BTBD2: variants seen among roughly 807,000 people sequenced by gnomAD.
The protein encoded by BTBD2 is BTB domain containing 2, also known as BTB/POZ domain-containing protein 2.
BTBD2 carries 15 observed loss-of-function variants against 44.0 expected under a neutral mutation model. The ratio of observed to expected loss-of-function variants is 0.34; its 90% CI spans 0.23 to 0.53. BTBD2 has a LOEUF of 0.53. BTBD2 is among the 20% of genes least tolerant of loss of function. BTBD2 has a pLI of 0.95. For synonymous variants in BTBD2, 443 were observed against 335.9 expected (o/e 1.32, Z -3.49); for missense variants, 657 against 746.4 (o/e 0.88, Z 1.39).
intron 2 of BTBD2, among the ~76,000 whole-genome samples, chr19:1,993,437 G>T (rs2016208667): frequency 6.6e-6 from 1 of 152,276 alleles, no homozygotes; most frequent in East Asian, 1.9e-4. Context: ...CACACACCCG[G>T]AAGCGTCTAT....
intron 2 of BTBD2, among the ~76,000 whole-genome samples, chr19:1,996,371 G>A (rs1264756353): frequency 6.6e-6 from 1 of 152,098 alleles, no homozygotes; most frequent in African/African-American, 2.4e-5. Flanking sequence ...ACTGACTGCA[G>A]ATCGCAGTGG....
At chr19:1,994,184 C>A (rs1042129433) in intron 2 of BTBD2, among the ~76,000 whole-genome samples, 2 of 150,000 alleles carry the variant, frequency 1.3e-5, no homozygotes, top group African/African-American at 4.9e-5. Context: ...GGTGTGGTGG[C>A]AGACACCTGT....
chr19:1,986,997 G>T (rs753349156), intron 7 of BTBD2, 21 bp from the exon 8 acceptor site: 1 of 1,606,778 alleles, frequency 6.2e-7, no homozygotes, highest in Non-Finnish European at 8.5e-7. Context: ...GTGGGAAGTG[G>T]GAGGCTCAGG....
chr19:2,007,550 C>T (rs1391013248), intron 1 of BTBD2, among the ~76,000 whole-genome samples: 1 of 152,124 alleles, frequency 6.6e-6, no homozygotes, highest in Non-Finnish European at 1.5e-5. Flanking sequence ...ATCTTCCCGC[C>T]TTAGGCCAGG....
chr19:2,005,011 G>A (rs557243301), intron 1 of BTBD2, among the ~76,000 whole-genome samples: 60 of 151,844 alleles, frequency 4.0e-4, no homozygotes, highest in Admixed American at 1.6e-3. Flanking sequence ...TAGTAGAGAC[G>A]GGGTTTCACC....
intron 1 of BTBD2, among the ~76,000 whole-genome samples, chr19:1,998,687 C>T (rs760702561): frequency 2.6e-5 from 4 of 152,140 alleles, no homozygotes; most frequent in African/African-American, 4.8e-5. Context: ...AGGCTCAAGA[C>T]GCCACTCTGT....
At chr19:1,999,314 G>A (rs1215426829) in intron 1 of BTBD2, among the ~76,000 whole-genome samples, 1 of 152,230 alleles carries the variant, frequency 6.6e-6, no homozygotes, top group Middle Eastern at 3.2e-3. Flanking sequence ...CTAACTCCGT[G>A]AGTCAGGACG....
At chr19:2,011,805 T>C (rs185182965) in intron 1 of BTBD2, among the ~76,000 whole-genome samples, 115 of 151,848 alleles carry the variant, frequency 7.6e-4, no homozygotes, top group African/African-American at 2.6e-3. Flanking sequence ...CAGGCCTTCA[T>C]CGTGGCCACC....
At position 1,991,075 on chromosome 19, in the gene BTBD2, G is replaced by A. The variant is rs970549855; in HGVS notation, c.685-253C>T. The A allele has an allele frequency of 1.7e-4, 72 of 432,322 alleles. 1 individual carries two copies. The highest frequency in any genetic ancestry group is 8.3e-4 in the South Asian group (32 of 38,500). 26.8% of individuals were successfully genotyped at this position (432,322 alleles called of 1,614,324 possible). On this transcript the variant is annotated intron_variant, in intron 3 of 8. Coordinates refer to ENST00000255608, the MANE Select transcript of BTBD2 (RefSeq NM_017797.4). ...TCAGAGGCCAAGGAAGGAAGAAAAA[G>A]ATGCTCAGGTCCCTGTCGGCAGGGC...
Position 1,987,163 on chromosome 19 carries a change from T to C in BTBD2, c.1269+3A>G, listed in dbSNP as rs2016098671. The C allele has an allele frequency of 6.2e-7, 1 of 1,613,396 alleles. No individual in the cohort carries two copies. The highest frequency in any genetic ancestry group is 1.3e-5 in the African/African-American group (1 of 74,944). ...GCCTGGGGATGAGGCTTGGGGCTGGTACCTGGATGTTCACTTGGTAGTCGG... is the reference window on the plus strand; with the variant it reads ...GCCTGGGGATGAGGCTTGGGGCTGGCACCTGGATGTTCACTTGGTAGTCGG... On this transcript the variant is annotated splice_donor_region_variant and intron_variant, in intron 7 of 8. Coordinates refer to ENST00000255608, the MANE Select transcript of BTBD2 (RefSeq NM_017797.4).
chr19:2,004,251 T>C (rs1181816246), intron 1 of BTBD2, among the ~76,000 whole-genome samples: 1 of 151,764 alleles, frequency 6.6e-6, no homozygotes, highest in Non-Finnish European at 1.5e-5. Context: ...CCTGAGGCTG[T>C]GTCACAGGCA....
chr19:1,987,429 C>T (rs2016105323), intron 6 of BTBD2, 71 bp downstream of exon 6: 8 of 1,023,186 alleles, frequency 7.8e-6, no homozygotes, highest in Non-Finnish European at 1.1e-5. Context: ...CATGCCCGGC[C>T]CCCCATCTCC....
At chr19:1,992,391 T>C (rs879654374) in intron 3 of BTBD2, among the ~76,000 whole-genome samples, 1 of 151,684 alleles carries the variant, frequency 6.6e-6, no homozygotes, top group Admixed American at 6.6e-5. Flanking sequence ...TGAACCACAG[T>C]GCCCGGCCTG....
chr19:1,989,911 G>A (rs985435161), intron 5 of BTBD2, 93 bp downstream of exon 5: 14 of 1,422,958 alleles, frequency 9.8e-6, no homozygotes, highest in African/African-American at 8.5e-5. Context: ...CAGGCTTTCC[G>A]CAGTGAACTC....
chr19:2,010,397 C>T (rs558257274), intron 1 of BTBD2, among the ~76,000 whole-genome samples: 22 of 152,282 alleles, frequency 1.4e-4, no homozygotes, highest in Middle Eastern at 3.4e-3. Flanking sequence ...GCGTGCAACC[C>T]CTGGCCTCCT....
At position 1,996,484 on chromosome 19, in the gene BTBD2, T is replaced by G. The variant is rs201577659; in HGVS notation, c.527+860A>C. On this transcript the variant is annotated intron_variant, in intron 2 of 8. Transcript: ENST00000255608. ...TTTCTTTCACTGATGTTTCCTTTTT[T>G]TTGTTGTTGTTGTTATTTTTTGTTT... is the stretch of plus-strand genomic sequence containing the variant. 3.3e-4 allele frequency among the ~76,000 whole-genome samples: 50 copies of G among 151,238 alleles called. No homozygotes were observed. In the East Asian group the frequency reaches 6.8e-3, roughly 20 times the overall value.
At chr19:2,013,450 C>T (rs1001244067) in intron 1 of BTBD2, 56 of 955,932 alleles carry the variant, frequency 5.9e-5, no homozygotes, top group Non-Finnish European at 2.0e-5. Flanking sequence ...TGGAAGGGCC[C>T]GGAGATGGGA....
intron 7 of BTBD2, 40 bp from the exon 8 acceptor site, chr19:1,987,016 G>C (rs370801177): frequency 3.8e-4 from 613 of 1,599,580 alleles, no homozygotes; most frequent in Admixed American, 6.4e-4. Context: ...GGCCTGGGGA[G>C]GGCCAACGGG....
chr19:2,007,813 G>A (rs1599359887), intron 1 of BTBD2, among the ~76,000 whole-genome samples: 1 of 150,826 alleles, frequency 6.6e-6, no homozygotes, highest in African/African-American at 2.5e-5. Context: ...GGGCAACAGA[G>A]CGAGACTCTG....
Sources: gnomAD v4.1 joint callset for allele counts (sites outside exome capture counted in the v4.1 genomes callset) on GRCh38, gnomAD v4.1.1 for gene constraint, MANE v1.5 for transcripts, NCBI Gene and HGNC (gene_info 2026-07-23, HGNC 2026-07-21) for gene names.